RNF13: variants seen among roughly 807,000 people sequenced by gnomAD.
RNF13 encodes the protein E3 ubiquitin-protein ligase RNF13.
Under a neutral mutation model 37.7 loss-of-function variants are expected in RNF13, and 19 were observed. That is an observed-to-expected ratio of 0.50 (90% confidence interval 0.35 to 0.74). The LOEUF is 0.74. Among genes scored for constraint, RNF13 ranks in the 30% least tolerant of loss-of-function variants. The probability of loss-of-function intolerance (pLI) is 0.01; values close to 1 mark genes in which losing one functional copy is unlikely to be tolerated. For synonymous variants in RNF13, 144 were observed against 157.8 expected (o/e 0.91, Z 0.65); for missense variants, 375 against 453.0 (o/e 0.83, Z 1.56).
At chr3:149,824,965 T>TC (rs1720349683) in intron 1 of RNF13, among the ~76,000 whole-genome samples, 1 of 151,778 alleles carries the variant, frequency 6.6e-6, no homozygotes, top group Admixed American at 6.6e-5. Context: ...TTCCTGATTT[T>TC]TTTTTTTTTT....
At chr3:149,904,896 G>A (rs889361728) in intron 6 of RNF13, among the ~76,000 whole-genome samples, 1 of 151,938 alleles carries the variant, frequency 6.6e-6, no homozygotes, top group Non-Finnish European at 1.5e-5. Context: ...TCCTGCTTTT[G>A]ACTTGATTGT....
intron 1 of RNF13, among the ~76,000 whole-genome samples, chr3:149,820,088 C>T (rs560811575): frequency 5.3e-5 from 8 of 151,994 alleles, no homozygotes; most frequent in Admixed American, 3.9e-4. Context: ...GGATGTTTTG[C>T]GCTTTGATGT....
rs1219611161 is a variant in RNF13 at position 149,911,961 on chromosome 3, T to G, written c.501-17T>G. On this transcript the variant is annotated splice_polypyrimidine_tract_variant and intron_variant, in intron 6 of 9. Transcript: ENST00000392894. The stretch of plus-strand genomic sequence containing the variant: ...CAACTCTTCATTTCTCAATTATTGA[T>G]TTTTGTTTTCTTCTAGGGGCCACCT... 7.9e-7 allele frequency: 1 copy of G among 1,266,938 alleles called. No individual in the cohort carries two copies. The highest frequency in any genetic ancestry group is 1.8e-5 in the Admixed American group (1 of 54,570). 78.5% of individuals were successfully genotyped at this position (1,266,938 alleles called of 1,614,324 possible).
chr3:149,935,899 T>C (rs57335608), intron 8 of RNF13, among the ~76,000 whole-genome samples: 13,947 of 152,234 alleles, frequency 0.092, 748 homozygotes, highest in African/African-American at 0.14. Flanking sequence ...TTGTTCCAGA[T>C]TGAAGAACTA....
chr3:149,888,787 C>T (rs1019307762), intron 4 of RNF13, among the ~76,000 whole-genome samples: 1 of 152,146 alleles, frequency 6.6e-6, no homozygotes, highest in African/African-American at 2.4e-5. Context: ...ATACACATGT[C>T]TGCTTATTTG....
chr3:149,891,805 G>A (rs971843344), intron 4 of RNF13, among the ~76,000 whole-genome samples: 3 of 152,178 alleles, frequency 2.0e-5, no homozygotes, highest in Non-Finnish European at 2.9e-5. Context: ...GTTTGAGGTT[G>A]CATTTTATGA....
At chr3:149,822,821 A>G (rs1720114627) in intron 1 of RNF13, among the ~76,000 whole-genome samples, 1 of 152,152 alleles carries the variant, frequency 6.6e-6, no homozygotes, top group Admixed American at 6.5e-5. Flanking sequence ...AGCCTCAGGG[A>G]TAAACCATAT....
Position 149,951,699 on chromosome 3 carries a change from G to T in RNF13, c.701-8357G>T, listed in dbSNP as rs138869485. 2.6e-3 allele frequency among the ~76,000 whole-genome samples: 400 copies of T among 152,242 alleles called. 2 individuals are homozygous for T. Among genetic ancestry groups the T allele is most frequent in the African/African-American group, 9.2e-3 (381 of 41,530 alleles). The stretch of plus-strand genomic sequence containing the variant: ...AAAATTTGATAATTTCACATTTTAG[G>T]TCTTATAAGCATGTAACACATACTA... On this transcript the variant is annotated intron_variant, in intron 8 of 9. Coordinates refer to ENST00000392894, the MANE Select transcript of RNF13 (RefSeq NM_183381.3).
chr3:149,838,040 G>T (rs891124302), intron 1 of RNF13, among the ~76,000 whole-genome samples: 3 of 152,126 alleles, frequency 2.0e-5, no homozygotes, highest in South Asian at 2.1e-4. Context: ...CAGGCCCCAT[G>T]CAAGTCCAAA....
chr3:149,909,410 G>A (rs1716752599), intron 6 of RNF13, among the ~76,000 whole-genome samples: 1 of 151,498 alleles, frequency 6.6e-6, no homozygotes, highest in African/African-American at 2.4e-5. Flanking sequence ...GGGGAAGCTG[G>A]GACTACAGGT....
At chr3:149,828,284 A>G (rs1296930334) in intron 1 of RNF13, among the ~76,000 whole-genome samples, 1 of 152,206 alleles carries the variant, frequency 6.6e-6, no homozygotes, top group Non-Finnish European at 1.5e-5. Context: ...TTTGATGATT[A>G]GAAGGAAAAA....
chr3:149,848,196 G>A (rs1021246941), intron 2 of RNF13, among the ~76,000 whole-genome samples: 74 of 151,450 alleles, frequency 4.9e-4, no homozygotes, highest in African/African-American at 1.8e-3. Flanking sequence ...TTTTAATTTA[G>A]AGACAAAAAA....
At chr3:149,908,084 A>G (rs139068403) in intron 6 of RNF13, among the ~76,000 whole-genome samples, 12 of 152,306 alleles carry the variant, frequency 7.9e-5, no homozygotes, top group Non-Finnish European at 1.5e-4. Context: ...GCATTTCTTT[A>G]TTCACAGTGA....
chr3:149,847,483 TGA>T (rs1254981128), intron 2 of RNF13, among the ~76,000 whole-genome samples: 1 of 152,126 alleles, frequency 6.6e-6, no homozygotes, highest in African/African-American at 2.4e-5. Context: ...TTGTAGCACT[TGA>T]GAGAGCCAGG....
chr3:149,899,485 A>T (rs977359713), intron 5 of RNF13, among the ~76,000 whole-genome samples: 19 of 152,318 alleles, frequency 1.2e-4, no homozygotes, highest in East Asian at 5.8e-4. Context: ...AATAAATAAA[A>T]AAAAATAAGT....
At chr3:149,819,239 T>C (rs1401314363) in intron 1 of RNF13, among the ~76,000 whole-genome samples, 1 of 152,232 alleles carries the variant, frequency 6.6e-6, no homozygotes, top group African/African-American at 2.4e-5. Flanking sequence ...AGCATCAAGC[T>C]AAATATATAC....
chr3:149,939,839 A>C (rs1435435184), intron 8 of RNF13: 1 of 510,612 alleles, frequency 2.0e-6, no homozygotes, highest in East Asian at 4.8e-5. Context: ...AGGTGGACAG[A>C]GATAAACGAC....
At chr3:149,938,496 T>C (rs1010474247) in intron 8 of RNF13, among the ~76,000 whole-genome samples, 1 of 151,840 alleles carries the variant, frequency 6.6e-6, no homozygotes, top group Admixed American at 6.6e-5. Flanking sequence ...TATTTTTTTT[T>C]TTTTTGGAGA....
intron 2 of RNF13, among the ~76,000 whole-genome samples, chr3:149,846,501 C>T (rs1309912802): frequency 2.0e-5 from 3 of 152,116 alleles, no homozygotes; most frequent in Admixed American, 6.5e-5. Context: ...GACAGGGTTT[C>T]ACCATGTTGG....
Sources: allele counts gnomAD v4.1 joint callset (sites outside exome capture counted in the v4.1 genomes callset), GRCh38; gene constraint gnomAD v4.1.1; transcripts MANE v1.5; gene names NCBI Gene and HGNC (gene_info 2026-07-23, HGNC 2026-07-21).